The following PALLD variants were observed in gnomAD, a reference collection of about 807,000 sequenced individuals.
The protein encoded by PALLD is palladin.
Under a neutral mutation model 123.5 loss-of-function variants are expected in PALLD, and 61 were observed. The observed-to-expected ratio is 0.49, with a 90% CI of 0.40 to 0.61. The LOEUF (loss-of-function observed/expected upper bound fraction) is 0.61. Ranked by LOEUF, PALLD falls within the 20% of genes least tolerant of loss-of-function variation. The pLI, the probability that PALLD is intolerant of heterozygous loss-of-function variation, is 0.00. For synonymous variants in PALLD, 465 were observed against 496.4 expected (o/e 0.94, Z 0.84); for missense variants, 1,273 against 1,377.0 (o/e 0.92, Z 1.20).
chr4:168,877,217 G>A (rs2151110312), intron 10 of PALLD, among the ~76,000 whole-genome samples: 2 of 152,282 alleles, frequency 1.3e-5, no homozygotes, highest in South Asian at 4.1e-4. Context: ...AAATCCACCT[G>A]TGGTATTTAT....
At chr4:168,570,121 C>T (rs908522595) in intron 2 of PALLD, among the ~76,000 whole-genome samples, 3 of 152,046 alleles carry the variant, frequency 2.0e-5, no homozygotes, top group Non-Finnish European at 2.9e-5. Flanking sequence ...GGTTATTTAC[C>T]GAGTACAAAG....
intron 2 of PALLD, among the ~76,000 whole-genome samples, chr4:168,657,897 A>G (rs1398688936): frequency 1.3e-5 from 2 of 152,142 alleles, no homozygotes; most frequent in African/African-American, 2.4e-5. Flanking sequence ...CGTAAATCGG[A>G]CACCACCACC....
chr4:168,761,641 G>GTTTTTTTTTTTTTTTT (rs1230404942), intron 10 of PALLD, among the ~76,000 whole-genome samples: 3 of 11,648 alleles, frequency 2.6e-4, no homozygotes, highest in East Asian at 4.5e-3. Flanking sequence ...TGTTGTTGTT[G>GTTTTTTTTTTTTTTTT]TTTGTTTTTT....
intron 3 of PALLD, among the ~76,000 whole-genome samples, chr4:168,670,812 G>A (rs1442477426): frequency 6.8e-6 from 1 of 146,966 alleles, no homozygotes; most frequent in East Asian, 2.0e-4. Flanking sequence ...AAAGCTGGGT[G>A]CAATGGCTCA....
At chr4:168,757,729 A>G (rs2150415512) in intron 10 of PALLD, among the ~76,000 whole-genome samples, 1 of 152,370 alleles carries the variant, frequency 6.6e-6, no homozygotes, top group Non-Finnish European at 1.5e-5. Context: ...GGCAATAGTA[A>G]CAGGTGTCAC....
chr4:168,780,114 G>C (rs1335346383), intron 10 of PALLD, among the ~76,000 whole-genome samples: 2 of 152,096 alleles, frequency 1.3e-5, no homozygotes, highest in African/African-American at 4.8e-5. Context: ...AGCCAGGCTG[G>C]TCTCGAACTC....
At chr4:168,713,109 C>T (rs944822130) in intron 10 of PALLD, among the ~76,000 whole-genome samples, 3 of 152,124 alleles carry the variant, frequency 2.0e-5, no homozygotes, top group African/African-American at 4.8e-5. Context: ...TTTCAAAAAT[C>T]GATATATTGC....
intron 1 of PALLD, among the ~76,000 whole-genome samples, chr4:168,505,651 A>C (rs967189055): frequency 6.6e-6 from 1 of 152,154 alleles, no homozygotes; most frequent in Non-Finnish European, 1.5e-5. Context: ...TCCCACTCAG[A>C]TTTTCTGCCT....
intron 2 of PALLD, chr4:168,632,032 G>T: frequency 2.2e-6 from 1 of 459,046 alleles, no homozygotes; most frequent in Non-Finnish European, 2.9e-6. Flanking sequence ...TCAGAATACC[G>T]TGTTCCGCCA....
At chr4:168,625,606 C>T (rs186035040) in intron 2 of PALLD, among the ~76,000 whole-genome samples, 1 of 143,436 alleles carries the variant, frequency 7.0e-6, no homozygotes, top group African/African-American at 2.5e-5. Context: ...GGGCAAAGGA[C>T]TTGAACAGAC....
chr4:168,713,942 GTTTTTTTTTTT>G (rs34942776), intron 10 of PALLD, among the ~76,000 whole-genome samples: 6 of 54,700 alleles, frequency 1.1e-4, no homozygotes, highest in African/African-American at 2.8e-4. Flanking sequence ...TTTTCCCATT[GTTTTTTTTTTT>G]TTTTTTTTTT....
intron 2 of PALLD, among the ~76,000 whole-genome samples, chr4:168,514,447 A>C (rs999234289): frequency 2.0e-5 from 3 of 152,162 alleles, no homozygotes; most frequent in Non-Finnish European, 4.4e-5. Flanking sequence ...TTTTACTATA[A>C]TTCTTTAAGA....
chr4:168,558,690 A>C (rs1166646335), intron 2 of PALLD, among the ~76,000 whole-genome samples: 1 of 152,188 alleles, frequency 6.6e-6, no homozygotes, highest in East Asian at 1.9e-4. Flanking sequence ...CCCATTATCC[A>C]CCACCATGCT....
Position 168,711,917 on chromosome 4 carries a change from C to A in PALLD, c.1958C>A (p.Pro653Gln), listed in dbSNP as rs549591072. Reference sequence around the variant, plus strand: ...GAGCCACCACCTCTGCTTGCCAAACCAAAACTGTGAGTATTTCTGCATGGT... The same window carrying A: ...GAGCCACCACCTCTGCTTGCCAAACAAAAACTGTGAGTATTTCTGCATGGT... ...TKEPPPLLAK[P>Q]KLGFPKKASR... The change falls in exon 10 of 22, where the codon CCA becomes CAA. Residue 653 changes from proline to glutamine, a missense_variant. Coordinates refer to ENST00000505667, the MANE Select transcript of PALLD (RefSeq NM_001166108.2). The A allele has an allele frequency of 2.1e-5, 34 of 1,610,976 alleles. No individual in the cohort carries two copies. The East Asian group carries it at 5.6e-4, about 26-fold the overall frequency.
At chr4:168,787,037 G>A (rs1008129589) in intron 10 of PALLD, among the ~76,000 whole-genome samples, 2 of 152,078 alleles carry the variant, frequency 1.3e-5, no homozygotes, top group African/African-American at 4.8e-5. Context: ...CTATCCATCT[G>A]TCCAGCTATT....
At chr4:168,498,103 G>C (rs1467217233) in intron 1 of PALLD, among the ~76,000 whole-genome samples, 1 of 152,102 alleles carries the variant, frequency 6.6e-6, no homozygotes, top group Non-Finnish European at 1.5e-5. Context: ...GAAAGAACTT[G>C]AATACTCACC....
At chr4:168,810,643 CA>C (rs60307198) in intron 10 of PALLD, among the ~76,000 whole-genome samples, 82,443 of 139,246 alleles carry the variant, frequency 0.59, 24,022 homozygotes, top group Non-Finnish European at 0.63. Flanking sequence ...AACTCTGTCT[CA>C]AAAAAAAAAA....
chr4:168,562,318 G>C (rs1301754239), intron 2 of PALLD, among the ~76,000 whole-genome samples: 2 of 152,202 alleles, frequency 1.3e-5, no homozygotes, highest in African/African-American at 4.8e-5. Context: ...CAAAGGCACA[G>C]AGGAGGTAAG....
rs142948715 is a variant in PALLD, at chr4:168,726,872, C to T, written c.1964+14949C>T. 3.0e-4 allele frequency among the ~76,000 whole-genome samples: 46 copies of T among 152,222 alleles called. 1 individual carries two copies. Among genetic ancestry groups the T allele is most frequent in the African/African-American group, 1.1e-3 (44 of 41,558 alleles). ...CAATAGGTAGTTTTTCAACCCACAG[C>T]CTCCTCCCTTTCTTCTCCTTCTGGT... On this transcript the variant is annotated intron_variant, in intron 10 of 21. Coordinates refer to ENST00000505667, the MANE Select transcript of PALLD (RefSeq NM_001166108.2).
Sources: gnomAD v4.1 joint callset for allele counts (sites outside exome capture counted in the v4.1 genomes callset) on GRCh38, gnomAD v4.1.1 for gene constraint, MANE v1.5 for transcripts, NCBI Gene and HGNC (gene_info 2026-07-23, HGNC 2026-07-21) for gene names.